Variants in HRAS observed in about 807,000 individuals in gnomAD.
The protein encoded by HRAS is GTPase HRas.
In HRAS, 11 loss-of-function variants were observed where a neutral mutation model predicts 19.8. That is an observed-to-expected ratio of 0.55 (90% confidence interval 0.35 to 0.92). HRAS has a LOEUF of 0.92. HRAS is among the 40% of genes least tolerant of loss of function. The probability of loss-of-function intolerance (pLI) is 0.01; values close to 1 mark genes in which losing one functional copy is unlikely to be tolerated. For synonymous variants in HRAS, 149 were observed against 105.5 expected (o/e 1.41, Z -2.52); for missense variants, 204 against 255.9 (o/e 0.80, Z 1.38).
intron 1 of HRAS, 143 bp from the exon 2 acceptor site, chr11:534,518 C>T (rs1228180888): frequency 1.7e-6 from 1 of 602,224 alleles, no homozygotes; most frequent in Non-Finnish European, 3.0e-6. Context: ...GCGTGCCTAC[C>T]TGTGCAGCTG....
intron 1 of HRAS, among the ~76,000 whole-genome samples, chr11:534,943 C>G (rs942807127): frequency 1.3e-5 from 2 of 152,240 alleles, no homozygotes; most frequent in African/African-American, 4.8e-5. Flanking sequence ...AGAGGAGCTC[C>G]TGGGAAGCAG....
chr11:532,290 G>A lies in HRAS; in HGVS notation c.*238C>T, dbSNP rs956116337. ...GTGATCCCATCTGTGCCCGACAAGGGCCCACAGAGGCCTGGGAGGGGAGCT... is the reference window on the plus strand; with the variant it reads ...GTGATCCCATCTGTGCCCGACAAGGACCCACAGAGGCCTGGGAGGGGAGCT... On this transcript the variant is annotated 3_prime_UTR_variant, in exon 6 of 6. Transcript: ENST00000311189. The A allele has an allele frequency of 2.3e-5, 11 of 474,208 alleles. No individual in the cohort carries two copies. The highest frequency in any genetic ancestry group is 1.4e-4 in the Admixed American group (4 of 29,426). 29.4% of individuals were successfully genotyped at this position (474,208 alleles called of 1,614,324 possible).
rs376064281 is a variant in HRAS at position 534,334 on chromosome 11, G to C, written c.-12C>G. On this transcript the variant is annotated 5_prime_UTR_variant, in exon 2 of 6. Transcript: ENST00000311189. ...TTATATTCCGTCATCGCTCCTCAGG[G>C]GCCTGCGGCCCGGGGTCCTCCTACA... The C allele has an allele frequency of 1.2e-6, 2 of 1,606,282 alleles. No individual in the cohort carries two copies. The highest frequency in any genetic ancestry group is 1.3e-5 in the African/African-American group (1 of 74,836).
chr11:535,145 T>TACGCCGGCGTGGGGACCGTGCCC (rs1256492244), intron 1 of HRAS: 3 of 151,584 alleles, frequency 2.0e-5, no homozygotes, highest in African/African-American at 7.3e-5. Flanking sequence ...GGCTCCCGGG[T>TACGCCGGCGTGGGGACCGTGCCC]ACGCCGGCGT....
rs763376142 is a variant in HRAS, at chr11:534,307, G to A, written c.16C>T (p.Leu6=). 7 of 1,612,882 alleles carry A rather than the reference G, an allele frequency of 4.3e-6. No individual in the cohort carries two copies. In the East Asian group the frequency reaches 1.1e-4, roughly 26 times the overall value. Residue 6 remains leucine (L), a synonymous_variant, in exon 2 of 6, where the codon CTG becomes TTG. Coordinates refer to ENST00000311189, the MANE Select transcript of HRAS (RefSeq NM_005343.4). ...ACACCGCCGGCGCCCACCACCACCA[G>A]CTTATATTCCGTCATCGCTCCTCAG... The part of the protein sequence containing the change: MTEYK[L]VVVGAGGVGK...
At position 533,784 on chromosome 11, in the gene HRAS, T is replaced by C. The variant is rs2133989967; in HGVS notation, c.272A>G (p.Glu91Gly). Residue 91 changes from glutamate to glycine, a missense_variant, in exon 3 of 6, where the codon GAG becomes GGG. Physicochemically the swap from Glu to Gly is moderately conservative, Grantham distance 98 (BLOSUM62 -2). This residue lies in a region of HRAS where 142 missense variants were observed against 141.1 expected (regional missense o/e 1.01). Coordinates refer to ENST00000311189, the MANE Select transcript of HRAS (RefSeq NM_005343.4). ...GGTTCACCTGTACTGGTGGATGTCC[T>C]CAAAAGACTTGGTGTTGTTGATGGC... ...VFAINNTKSFEDIHQYREQIK... is the reference protein window; with the variant it reads ...VFAINNTKSFGDIHQYREQIK... 6.2e-7 allele frequency: 1 copy of C among 1,613,298 alleles called. No individual in the cohort carries two copies. Among genetic ancestry groups the C allele is most frequent in the Non-Finnish European group, 8.5e-7 (1 of 1,180,000 alleles).
intron 4 of HRAS, 77 bp downstream of exon 4, chr11:533,376 G>T: frequency 6.2e-7 from 1 of 1,603,608 alleles, no homozygotes; most frequent in Non-Finnish European, 8.5e-7. Flanking sequence ...AAGGGAGAGG[G>T]TCAGTGAGTG....
In HRAS at chr11:532,283, G is replaced by A. The variant is rs552786447; in HGVS notation, c.*245C>T. On this transcript the variant is annotated 3_prime_UTR_variant, in exon 6 of 6. Coordinates refer to ENST00000311189, the MANE Select transcript of HRAS (RefSeq NM_005343.4). The stretch of plus-strand genomic sequence containing the variant: ...ATTTACTGTGATCCCATCTGTGCCC[G>A]ACAAGGGCCCACAGAGGCCTGGGAG... 2 of 463,584 alleles carry A rather than the reference G, an allele frequency of 4.3e-6. No individual in the cohort carries two copies. Among genetic ancestry groups the A allele is most frequent in the South Asian group, 2.4e-5 (1 of 42,264 alleles). The allele number at this position is 463,584 out of a possible 1,614,324, so 28.7% of individuals were successfully genotyped here.
Position 532,669 on chromosome 11 carries a change from G to T in HRAS, c.537C>A (p.Pro179=). ...GCACACACTTGCAGCTCATGCAGCCGGGGCCACTCTCATCAGGAGGGTTCA... is the reference window on the plus strand; with the variant it reads ...GCACACACTTGCAGCTCATGCAGCCTGGGCCACTCTCATCAGGAGGGTTCA... ...RKLNPPDESG[P]GCMSCKCVLS The change falls in exon 5 of 6, where the codon CCC becomes CCA. Residue 179 remains proline, a synonymous_variant. Transcript: ENST00000311189. The T allele has an allele frequency of 6.2e-7, 1 of 1,612,886 alleles. No homozygotes were observed. The highest frequency in any genetic ancestry group is 8.5e-7 in the Non-Finnish European group (1 of 1,179,970).
intron 1 of HRAS, chr11:534,647 AC>A (rs1851344316): frequency 2.2e-6 from 1 of 448,904 alleles, no homozygotes; most frequent in Admixed American, 3.7e-5. Flanking sequence ...TCAACCACGC[AC>A]CCAAATTAGA....
Position 534,233 on chromosome 11 carries a change from G to C in HRAS, c.90C>G (p.Asp30Glu), listed in dbSNP as rs745489020. The C allele has an allele frequency of 6.2e-7, 1 of 1,613,206 alleles. No homozygotes were observed. The highest frequency in any genetic ancestry group is 8.5e-7 in the Non-Finnish European group (1 of 1,179,502). Residue 30 changes from aspartate (D) to glutamate (E), a missense_variant, in exon 2 of 6, where the codon GAC (aspartate) becomes GAG (glutamate). Around this residue, in one of 4 missense-constraint regions of HRAS, gnomAD observed 51 missense variants for 79.0 expected, o/e 0.65. Coordinates refer to ENST00000311189, the MANE Select transcript of HRAS (RefSeq NM_005343.4). ...TIQLIQNHFV[D>E]EYDPTIEDSY... Reference sequence around the variant, plus strand: ...TCACCTCTATAGTGGGGTCGTATTCGTCCACAAAATGGTTCTGGATCAGCT... The same window carrying C: ...TCACCTCTATAGTGGGGTCGTATTCCTCCACAAAATGGTTCTGGATCAGCT...
intron 1 of HRAS, chr11:534,718 C>T (rs2133997429): frequency 3.4e-6 from 1 of 293,126 alleles, no homozygotes; most frequent in East Asian, 7.4e-5. Flanking sequence ...TTACCGTCCT[C>T]CAGAACAGGT....
intron 1 of HRAS, among the ~76,000 whole-genome samples, chr11:534,818 G>A (rs1293235831): frequency 6.6e-6 from 1 of 152,210 alleles, no homozygotes; most frequent in African/African-American, 2.4e-5. Flanking sequence ...ACAAGTATTT[G>A]CTGAGCGCCT....
Position 532,281 on chromosome 11 carries a change from C to G in HRAS, c.*247G>C, listed in dbSNP as rs1319366160. ...TAATTTACTGTGATCCCATCTGTGC[C>G]CGACAAGGGCCCACAGAGGCCTGGG... On this transcript the variant is annotated 3_prime_UTR_variant, in exon 6 of 6. Transcript: ENST00000311189. The G allele has an allele frequency of 4.3e-6, 2 of 460,484 alleles. No individual in the cohort carries two copies. The highest frequency in any genetic ancestry group is 6.9e-5 in the Admixed American group (2 of 28,936). 28.5% of individuals were successfully genotyped at this position (460,484 alleles called of 1,614,324 possible).
chr11:535,229 C>T (rs992176642), intron 1 of HRAS, 187 bp downstream of exon 1: 5 of 149,670 alleles, frequency 3.3e-5, no homozygotes, highest in Non-Finnish European at 7.5e-5. Flanking sequence ...GGGGCCCCCG[C>T]CCGCCGCAGC....
At chr11:534,528 G>A (rs545664216) in intron 1 of HRAS, 153 bp from the exon 2 acceptor site, 3 of 599,066 alleles carry the variant, frequency 5.0e-6, no homozygotes, top group Admixed American at 2.9e-5. Context: ...CTGTGCAGCT[G>A]CAACCCAGCG....
intron 1 of HRAS, 94 bp from the exon 2 acceptor site, chr11:534,469 G>T: frequency 1.5e-6 from 1 of 659,496 alleles, no homozygotes; most frequent in South Asian, 1.8e-5. Context: ...CAAACCCACA[G>T]CGGTCCCTGG....
rs1357149224 is a variant in HRAS at position 532,482 on chromosome 11, C to T, written c.*46G>A. Reference sequence around the variant, plus strand: ...TTCCTTCCTCCTCCTTCCGTCTGCACCTCCTTCCTGCATCCGGCACCTCCA... The same window carrying T: ...TTCCTTCCTCCTCCTTCCGTCTGCATCTCCTTCCTGCATCCGGCACCTCCA... On this transcript the variant is annotated 3_prime_UTR_variant, in exon 6 of 6. Coordinates refer to ENST00000311189, the MANE Select transcript of HRAS (RefSeq NM_005343.4). The T allele has an allele frequency of 1.2e-5, 13 of 1,040,102 alleles. No individual in the cohort carries two copies. In the East Asian group the frequency reaches 1.8e-4, roughly 15 times the overall value. The allele number at this position is 1,040,102 out of a possible 1,614,324, so 64.4% of individuals were successfully genotyped here. A position where few individuals can be genotyped will look rare whatever the true frequency, so the allele number is the denominator to read the frequency against.
At position 534,393 on chromosome 11, in the gene HRAS, G is replaced by T; in HGVS notation, c.-53-18C>A. 2.3e-6 allele frequency: 3 copies of T among 1,287,460 alleles called. No individual in the cohort carries two copies. The highest frequency in any genetic ancestry group is 3.3e-6 in the Non-Finnish European group (3 of 907,406). 79.8% of individuals were successfully genotyped at this position (1,287,460 alleles called of 1,614,324 possible). A position where few individuals can be genotyped will look rare whatever the true frequency, so the allele number is the denominator to read the frequency against. On this transcript the variant is annotated intron_variant, in intron 1 of 5. Coordinates refer to ENST00000311189, the MANE Select transcript of HRAS (RefSeq NM_005343.4). ...TGCCCCACCTGCCAAGGAGGGCCCT[G>T]CTCAGCCAGGCCCAGGCCCAGCCCC...
Sources: gnomAD v4.1 joint callset for allele counts (sites outside exome capture counted in the v4.1 genomes callset) on GRCh38, gnomAD v4.1.1 for gene constraint, gnomAD v4.1.1 regional missense constraint, MANE v1.5 for transcripts, NCBI Gene and HGNC (gene_info 2026-07-23, HGNC 2026-07-21) for gene names.